CNTN1: variants seen among roughly 807,000 people sequenced by gnomAD.
CNTN1 encodes the protein contactin-1.
Under a neutral mutation model 126.4 loss-of-function variants are expected in CNTN1, and 38 were observed. The ratio of observed to expected loss-of-function variants is 0.30; its 90% CI spans 0.23 to 0.39. The LOEUF is 0.39. CNTN1 is among the 10% of genes least tolerant of loss of function. CNTN1 has a pLI of 1.00. For missense variants in CNTN1, 1,009 were observed against 1,248.4 expected, an observed-to-expected ratio of 0.81 and a Z score of 2.89; for synonymous variants, 413 against 422.6, an observed-to-expected ratio of 0.98 and a Z score of 0.28.
At chr12:40,774,652 A>T (rs1939505487) in intron 1 of CNTN1, among the ~76,000 whole-genome samples, 1 of 151,678 alleles carries the variant, frequency 6.6e-6, no homozygotes, top group South Asian at 2.1e-4. Context: ...AATTTCATGA[A>T]TAACTACAGA....
intron 1 of CNTN1, among the ~76,000 whole-genome samples, chr12:40,753,353 C>T (rs10879131): frequency 0.2 from 31,091 of 152,090 alleles, 3,288 homozygotes; most frequent in Middle Eastern, 0.27. Flanking sequence ...TCTCTTTATT[C>T]TCCTATCTTA....
chr12:40,878,727 C>T (rs563056238), intron 1 of CNTN1, among the ~76,000 whole-genome samples: 39 of 152,252 alleles, frequency 2.6e-4, no homozygotes, highest in East Asian at 9.7e-4. Flanking sequence ...CCATGATTCC[C>T]GAAATAGGGG....
intron 17 of CNTN1, among the ~76,000 whole-genome samples, chr12:41,001,377 G>T (rs1470304187): frequency 6.6e-6 from 1 of 152,062 alleles, no homozygotes; most frequent in Non-Finnish European, 1.5e-5. Context: ...TTTTTCATAT[G>T]ATTGTTGGCC....
intron 1 of CNTN1, among the ~76,000 whole-genome samples, chr12:40,707,684 TA>T: frequency 6.6e-6 from 1 of 152,222 alleles, no homozygotes; most frequent in Non-Finnish European, 1.5e-5. Flanking sequence ...CTTGTCCAGA[TA>T]TTTTTTTTGA....
intron 9 of CNTN1, among the ~76,000 whole-genome samples, chr12:40,935,711 A>G (rs1946056698): frequency 6.6e-6 from 1 of 152,206 alleles, no homozygotes; most frequent in Non-Finnish European, 1.5e-5. Context: ...TTTAAAAAAT[A>G]TCTCCCTATG....
intron 1 of CNTN1, among the ~76,000 whole-genome samples, chr12:40,786,329 C>G (rs999511548): frequency 9.2e-5 from 14 of 152,146 alleles, no homozygotes; most frequent in African/African-American, 3.4e-4. Context: ...CTGATTAAGT[C>G]CTTCTCACAT....
chr12:40,695,576 AT>A (rs1026737403), intron 1 of CNTN1, among the ~76,000 whole-genome samples: 1 of 152,156 alleles, frequency 6.6e-6, no homozygotes, highest in Non-Finnish European at 1.5e-5. Flanking sequence ...TAAATTGGCC[AT>A]GGTCTCTATC....
Position 40,998,184 on chromosome 12 carries a change from G to A in CNTN1, c.2113+4915G>A, listed in dbSNP as rs188079858. The stretch of plus-strand genomic sequence containing the variant: ...GAAAACAAGTTTAACATATACATTC[G>A]ATGCTATTGTCCATATACTGATGAA... On this transcript the variant is annotated intron_variant, in intron 17 of 23. Coordinates refer to ENST00000551295, the MANE Select transcript of CNTN1 (RefSeq NM_001843.4). Among the ~76,000 whole-genome samples the A allele has an allele frequency of 5.3e-5, 8 of 152,202 alleles. No homozygotes were observed. In the East Asian group the frequency reaches 7.7e-4, roughly 15 times the overall value.
chr12:40,970,321 A>G (rs1947462159), intron 15 of CNTN1, among the ~76,000 whole-genome samples: 1 of 149,580 alleles, frequency 6.7e-6, no homozygotes, highest in African/African-American at 2.5e-5. Flanking sequence ...CGTTCAAAAG[A>G]AAAAAAAAAG....
chr12:41,035,384 A>G (rs930792202), intron 23 of CNTN1, among the ~76,000 whole-genome samples: 11 of 152,188 alleles, frequency 7.2e-5, no homozygotes, highest in African/African-American at 2.7e-4. Context: ...CTCTTCAAAC[A>G]TTACAGATTT....
rs759677391 is a variant in CNTN1, at chr12:41,016,724, A to C, written c.2227A>C (p.Ile743Leu). Residue 743 changes from isoleucine (I) to leucine (L), a missense_variant, in exon 19 of 24, where the codon ATA (isoleucine) becomes CTA (leucine). Ile to Leu is a conservative substitution (Grantham distance 5, BLOSUM62 2). Coordinates refer to ENST00000551295, the MANE Select transcript of CNTN1 (RefSeq NM_001843.4). ...CCACTATGGCAACAATTTTGGTTAC[A>C]TAGTGGCATTTAAGCCATTTGATGG... Reference protein sequence around the residue: ...EYHYGNNFGYIVAFKPFDGEE... With the variant: ...EYHYGNNFGYLVAFKPFDGEE... 6.2e-7 allele frequency: 1 copy of C among 1,614,178 alleles called. No homozygotes were observed. Among genetic ancestry groups the C allele is most frequent in the Non-Finnish European group, 8.5e-7 (1 of 1,180,020 alleles).
At chr12:41,037,769 G>T (rs1173074764) in intron 23 of CNTN1, among the ~76,000 whole-genome samples, 1 of 152,006 alleles carries the variant, frequency 6.6e-6, no homozygotes, top group Non-Finnish European at 1.5e-5. Flanking sequence ...TGGAGTGATG[G>T]GGGAATTATC....
chr12:40,775,883 G>C (rs943880722), intron 1 of CNTN1, among the ~76,000 whole-genome samples: 1 of 151,598 alleles, frequency 6.6e-6, no homozygotes, highest in African/African-American at 2.4e-5. Flanking sequence ...AGATCAATGT[G>C]AGTCAAAAAC....
At chr12:40,741,473 G>T (rs1937941825) in intron 1 of CNTN1, among the ~76,000 whole-genome samples, 1 of 151,922 alleles carries the variant, frequency 6.6e-6, no homozygotes, top group African/African-American at 2.4e-5. Context: ...AAATAAAAGT[G>T]ATAAACTAAA....
At chr12:40,946,676 G>T (rs1486615240) in intron 14 of CNTN1, among the ~76,000 whole-genome samples, 3 of 151,970 alleles carry the variant, frequency 2.0e-5, no homozygotes, top group Admixed American at 6.6e-5. Flanking sequence ...ATAATAAAAA[G>T]GAATAGGGAA....
intron 17 of CNTN1, among the ~76,000 whole-genome samples, chr12:40,994,862 T>A (rs1187884162): frequency 6.6e-6 from 1 of 152,112 alleles, no homozygotes; most frequent in Non-Finnish European, 1.5e-5. Context: ...TAAATAGATG[T>A]GTTTCTAGAA....
At chr12:40,883,628 C>G (rs1450049537) in intron 1 of CNTN1, among the ~76,000 whole-genome samples, 1 of 151,468 alleles carries the variant, frequency 6.6e-6, no homozygotes, top group Non-Finnish European at 1.5e-5. Context: ...TGAAGATGAA[C>G]TCCCCTACAG....
At chr12:40,939,163 T>C (rs573287851) in intron 11 of CNTN1, among the ~76,000 whole-genome samples, 172 bp from the exon 12 acceptor site, 2 of 152,298 alleles carry the variant, frequency 1.3e-5, no homozygotes, top group South Asian at 2.1e-4. Flanking sequence ...AGTTATTAAA[T>C]AAAAGTTACA....
intron 1 of CNTN1, among the ~76,000 whole-genome samples, chr12:40,889,454 A>G (rs1156824374): frequency 6.6e-6 from 1 of 152,160 alleles, no homozygotes; most frequent in African/African-American, 2.4e-5. Context: ...ATTTTTTTAG[A>G]TAAGTGGCAT....
Sources: gnomAD v4.1 joint callset for allele counts (sites outside exome capture counted in the v4.1 genomes callset) on GRCh38, gnomAD v4.1.1 for gene constraint, MANE v1.5 for transcripts, NCBI Gene and HGNC (gene_info 2026-07-23, HGNC 2026-07-21) for gene names.